CATSPER3: variants seen among roughly 807,000 people sequenced by gnomAD.
The protein encoded by CATSPER3 is cation channel sperm-associated protein 3.
CATSPER3 carries 23 observed loss-of-function variants against 36.6 expected under a neutral mutation model. The ratio of observed to expected loss-of-function variants is 0.63; its 90% CI spans 0.45 to 0.89. CATSPER3 has a LOEUF of 0.89. Among genes scored for constraint, CATSPER3 ranks in the 40% least tolerant of loss-of-function variants. The pLI is 0.00. For missense variants in CATSPER3, 474 were observed against 503.9 expected (o/e 0.94, Z 0.57); for synonymous variants, 172 against 184.1 (o/e 0.93, Z 0.53).
chr5:135,011,425 C>T, intron 7 of CATSPER3, 96 bp from the exon 8 acceptor site: 1 of 834,366 alleles, frequency 1.2e-6, no homozygotes, highest in South Asian at 1.4e-5. Flanking sequence ...TTTGACCCTA[C>T]ACCTGTGCAG....
At chr5:134,980,075 G>A (rs1751731902) in intron 2 of CATSPER3, among the ~76,000 whole-genome samples, 1 of 151,592 alleles carries the variant, frequency 6.6e-6, no homozygotes, top group South Asian at 2.1e-4. Flanking sequence ...TTAAACTCCT[G>A]GACTCAAGGG....
chr5:134,972,015 T>C (rs1751613086), intron 2 of CATSPER3, among the ~76,000 whole-genome samples: 1 of 152,046 alleles, frequency 6.6e-6, no homozygotes, highest in Admixed American at 6.5e-5. Flanking sequence ...TAGTTGTGTT[T>C]TTAGAAAAAA....
chr5:134,971,043 G>C (rs1417518656), intron 2 of CATSPER3, among the ~76,000 whole-genome samples: 2 of 151,502 alleles, frequency 1.3e-5, no homozygotes, highest in East Asian at 4.0e-4. Context: ...TCCACCTCCT[G>C]GGTTCACGCC....
intron 3 of CATSPER3, among the ~76,000 whole-genome samples, chr5:135,003,941 G>T (rs986331304): frequency 1.3e-5 from 2 of 152,312 alleles, no homozygotes; most frequent in African/African-American, 4.8e-5. Flanking sequence ...CTCTCACTCA[G>T]TGGGCTCCAC....
intron 2 of CATSPER3, among the ~76,000 whole-genome samples, chr5:134,973,206 G>A (rs550447446): frequency 6.6e-6 from 1 of 152,294 alleles, no homozygotes; most frequent in African/African-American, 2.4e-5. Context: ...CATTAAATAT[G>A]TAGTTATTTG....
At chr5:134,972,951 G>A (rs1474688606) in intron 2 of CATSPER3, among the ~76,000 whole-genome samples, 1 of 152,114 alleles carries the variant, frequency 6.6e-6, no homozygotes, top group Non-Finnish European at 1.5e-5. Flanking sequence ...CTTTGCTATG[G>A]TAATATGTTA....
chr5:134,977,206 G>A (rs547485862), intron 2 of CATSPER3, among the ~76,000 whole-genome samples: 4 of 152,280 alleles, frequency 2.6e-5, no homozygotes, highest in Admixed American at 1.3e-4. Flanking sequence ...GGCAAATGGC[G>A]AGTCTGCAAA....
At chr5:134,986,438 C>T (rs1327784906) in intron 2 of CATSPER3, among the ~76,000 whole-genome samples, 2 of 147,706 alleles carry the variant, frequency 1.4e-5, no homozygotes, top group African/African-American at 5.0e-5. Context: ...GTCACTGTGC[C>T]TGGCCTTAAA....
intron 1 of CATSPER3, 181 bp from the exon 2 acceptor site, chr5:134,969,758 T>C (rs1751579023): frequency 1.5e-6 from 1 of 671,030 alleles, no homozygotes; most frequent in Non-Finnish European, 2.6e-6. Flanking sequence ...AGAGTATCCA[T>C]GATCATCATA....
chr5:135,010,301 A>T, intron 6 of CATSPER3, 72 bp from the exon 7 acceptor site: 1 of 1,341,312 alleles, frequency 7.5e-7, no homozygotes, highest in Non-Finnish European at 1.1e-6. Flanking sequence ...CATCCTGGAG[A>T]GTCTCCATGT....
chr5:134,983,041 AC>A (rs1751768283), intron 2 of CATSPER3, among the ~76,000 whole-genome samples: 1 of 152,190 alleles, frequency 6.6e-6, no homozygotes, highest in Admixed American at 6.5e-5. Flanking sequence ...CACTAAGGGA[AC>A]AACCAAAAAA....
chr5:134,978,784 A>G (rs1751713428), intron 2 of CATSPER3, among the ~76,000 whole-genome samples: 1 of 150,698 alleles, frequency 6.6e-6, no homozygotes, highest in Admixed American at 6.6e-5. Flanking sequence ...CAGTGGGGCC[A>G]TCTTGGCTCA....
At chr5:134,968,168 G>T in intron 1 of CATSPER3, 79 bp downstream of exon 1, 1 of 992,052 alleles carries the variant, frequency 1.0e-6, no homozygotes. Context: ...TGTTCTCTCA[G>T]CCTCTTCCCT....
intron 2 of CATSPER3, among the ~76,000 whole-genome samples, chr5:134,986,853 T>C (rs1261334820): frequency 6.6e-6 from 1 of 152,158 alleles, no homozygotes; most frequent in African/African-American, 2.4e-5. Flanking sequence ...ACAAAACTCA[T>C]AGGATGCAGT....
chr5:134,981,524 G>A (rs1177530625), intron 2 of CATSPER3, among the ~76,000 whole-genome samples: 1 of 152,060 alleles, frequency 6.6e-6, no homozygotes, highest in African/African-American at 2.4e-5. Context: ...CAAAACACTA[G>A]TTGACCAGAA....
At chr5:134,990,161 A>G (rs1751860629) in intron 2 of CATSPER3, among the ~76,000 whole-genome samples, 1 of 152,128 alleles carries the variant, frequency 6.6e-6, no homozygotes, top group Non-Finnish European at 1.5e-5. Flanking sequence ...AAATTTAGAA[A>G]GTTTATTTTG....
chr5:134,981,475 G>A (rs1751749996), intron 2 of CATSPER3, among the ~76,000 whole-genome samples: 2 of 152,216 alleles, frequency 1.3e-5, no homozygotes, highest in East Asian at 1.9e-4. Flanking sequence ...GACAGAGTGA[G>A]ACTCTGTCTC....
intron 1 of CATSPER3, 111 bp from the exon 2 acceptor site, chr5:134,969,828 A>G (rs1198049180): frequency 9.2e-7 from 1 of 1,088,742 alleles, no homozygotes; most frequent in Admixed American, 1.7e-5. Flanking sequence ...ATGTAAATTT[A>G]TATTCACACA....
At chr5:134,984,399 T>G (rs1219822714) in intron 2 of CATSPER3, among the ~76,000 whole-genome samples, 2 of 152,084 alleles carry the variant, frequency 1.3e-5, no homozygotes, top group Admixed American at 6.5e-5. Flanking sequence ...ATCCAAAATC[T>G]ACAAGGAACT....
Sources: allele counts gnomAD v4.1 joint callset (sites outside exome capture counted in the v4.1 genomes callset), GRCh38; gene constraint gnomAD v4.1.1; transcripts MANE v1.5; gene names NCBI Gene and HGNC (gene_info 2026-07-23, HGNC 2026-07-21).